WDFY4: variants seen among roughly 807,000 people sequenced by gnomAD.
The protein encoded by WDFY4 is WDFY family member 4, also known as WD repeat- and FYVE domain-containing protein 4.
In WDFY4, 169 loss-of-function variants were observed where a neutral mutation model predicts 351.9. That is an observed-to-expected ratio of 0.48 (90% CI 0.42 to 0.55). The LOEUF is 0.55. WDFY4 is among the 20% of genes least tolerant of loss of function. The pLI, the probability that WDFY4 is intolerant of heterozygous loss-of-function variation, is 0.00. For missense variants in WDFY4, 3,803 were observed against 3,935.6 expected (o/e 0.97, Z 0.90); for synonymous variants, 1,622 against 1,574.6 (o/e 1.03, Z -0.71).
intron 39 of WDFY4, among the ~76,000 whole-genome samples, chr10:48,866,375 T>C (rs1191540972): frequency 6.6e-6 from 1 of 152,212 alleles, no homozygotes; most frequent in Non-Finnish European, 1.5e-5. Context: ...TCTACACTTA[T>C]TTTTGAGTTT....
chr10:48,818,527 T>C (rs1565233468), intron 32 of WDFY4, among the ~76,000 whole-genome samples: 1 of 152,170 alleles, frequency 6.6e-6, no homozygotes, highest in Non-Finnish European at 1.5e-5. Context: ...CCAGGCTCAC[T>C]GAGGGTCACA....
chr10:48,780,252 A>G, intron 19 of WDFY4, 133 bp downstream of exon 19: 1 of 1,176,412 alleles, frequency 8.5e-7, no homozygotes. Flanking sequence ...GTTGGCATCT[A>G]ATGAAATCTG....
Position 48,695,403 on chromosome 10 carries a change from A to T in WDFY4, c.-18+10402A>T, listed in dbSNP as rs532670801. ...TAGTACCATGGCATATTCCACCACC[A>T]CTGACCACTGCCTGAAGCCAACCTT... On this transcript the variant is annotated intron_variant, in intron 1 of 61. Transcript: ENST00000325239. 5.3e-5 allele frequency among the ~76,000 whole-genome samples: 8 copies of T among 152,236 alleles called. No homozygotes were observed. The South Asian group carries it at 1.7e-3, about 32-fold the overall frequency.
At chr10:48,732,020 C>G (rs372997803) in intron 9 of WDFY4, among the ~76,000 whole-genome samples, 2 of 152,168 alleles carry the variant, frequency 1.3e-5, no homozygotes, top group Non-Finnish European at 1.5e-5. Flanking sequence ...GGGCCCAGCA[C>G]GCCCCTCCAA....
intron 6 of WDFY4, 106 bp from the exon 7 acceptor site, chr10:48,727,364 A>C: frequency 8.4e-7 from 1 of 1,187,224 alleles, no homozygotes; most frequent in Non-Finnish European, 1.2e-6. Flanking sequence ...ATTAATTCCC[A>C]TTCATGTCTT....
In WDFY4 at chr10:48,745,811, C is replaced by T. The variant is rs1199924490; in HGVS notation, c.2459+2263C>T. The stretch of plus-strand genomic sequence containing the variant: ...CCCATCTAGTTTTCCTGCTGTAGGG[C>T]GGTGGGATTCCATCGAACACCTCGG... On this transcript the variant is annotated intron_variant, in intron 12 of 61. Transcript: ENST00000325239. 3 of 364,784 alleles carry T rather than the reference C, an allele frequency of 8.2e-6. No individual in the cohort carries two copies. In the East Asian group the frequency reaches 2.3e-4, roughly 28 times the overall value. 22.6% of individuals were successfully genotyped at this position (364,784 alleles called of 1,614,324 possible).
chr10:48,784,460 T>C (rs1235114404), intron 19 of WDFY4, among the ~76,000 whole-genome samples: 2 of 151,866 alleles, frequency 1.3e-5, no homozygotes, highest in East Asian at 3.8e-4. Context: ...ATGTGCTTAT[T>C]TGCCATCTGT....
intron 34 of WDFY4, 74 bp downstream of exon 34, chr10:48,821,250 GC>G: frequency 8.3e-7 from 1 of 1,210,384 alleles, no homozygotes; most frequent in Non-Finnish European, 1.2e-6. Context: ...CAGCATGCTG[GC>G]CAGGAACTGA....
chr10:48,944,996 CT>C (rs1840965451), intron 49 of WDFY4, among the ~76,000 whole-genome samples: 1 of 152,160 alleles, frequency 6.6e-6, no homozygotes, highest in Admixed American at 6.5e-5. Flanking sequence ...ACTCTTGCCC[CT>C]GCTTCTCCCT....
At chr10:48,767,217 C>A (rs1028766454) in intron 13 of WDFY4, among the ~76,000 whole-genome samples, 1 of 152,128 alleles carries the variant, frequency 6.6e-6, no homozygotes, top group Non-Finnish European at 1.5e-5. Context: ...TTCTCATCTG[C>A]AAAATGGGTG....
intron 39 of WDFY4, among the ~76,000 whole-genome samples, chr10:48,847,611 C>T (rs1019929362): frequency 9.9e-5 from 15 of 152,090 alleles, no homozygotes; most frequent in Middle Eastern, 3.4e-3. Context: ...TGAGAATAGG[C>T]GAGTTCAGGG....
At chr10:48,964,459 T>C (rs950992951) in intron 54 of WDFY4, among the ~76,000 whole-genome samples, 7 of 152,238 alleles carry the variant, frequency 4.6e-5, no homozygotes. Flanking sequence ...AAATCTCTCG[T>C]GAGCTCTGGA....
intron 53 of WDFY4, 99 bp from the exon 54 acceptor site, chr10:48,963,743 G>A (rs1238291643): frequency 3.9e-6 from 5 of 1,292,680 alleles, no homozygotes; most frequent in Admixed American, 4.1e-5. Flanking sequence ...CTCTGTGCAG[G>A]GCCAGCACTC....
At chr10:48,834,560 A>T (rs528954005) in intron 39 of WDFY4, among the ~76,000 whole-genome samples, 19 of 152,322 alleles carry the variant, frequency 1.2e-4, no homozygotes, top group African/African-American at 4.6e-4. Context: ...ACCAAGTCCT[A>T]AAACTTGGAG....
At chr10:48,958,378 C>CAGGGA (rs1049347928) in intron 52 of WDFY4, among the ~76,000 whole-genome samples, 6 of 150,992 alleles carry the variant, frequency 4.0e-5, no homozygotes, top group African/African-American at 1.5e-4. Flanking sequence ...AGGAGTCACT[C>CAGGGA]AGGGAGGGTG....
At chr10:48,938,964 C>A (rs1327723199) in intron 47 of WDFY4, among the ~76,000 whole-genome samples, 1 of 152,192 alleles carries the variant, frequency 6.6e-6, no homozygotes, top group Admixed American at 6.5e-5. Context: ...CGCCACAATC[C>A]TCACTGGCTT....
At chr10:48,746,908 A>ATTG (rs765856617) in intron 12 of WDFY4, among the ~76,000 whole-genome samples, 2 of 152,108 alleles carry the variant, frequency 1.3e-5, no homozygotes, top group Non-Finnish European at 2.9e-5. Context: ...TATGACAGTT[A>ATTG]TTGTTGTTGT....
chr10:48,976,290 C>G (rs1842565105), intron 58 of WDFY4, among the ~76,000 whole-genome samples: 1 of 152,226 alleles, frequency 6.6e-6, no homozygotes, highest in South Asian at 2.1e-4. Flanking sequence ...GTGAGCATAT[C>G]AGGAGATACA....
chr10:48,845,287 C>T (rs1421683074), intron 39 of WDFY4, among the ~76,000 whole-genome samples: 3 of 152,182 alleles, frequency 2.0e-5, no homozygotes, highest in Non-Finnish European at 2.9e-5. Context: ...TTCTCCTCTA[C>T]CAAACCCCTG....
Sources: allele counts gnomAD v4.1 joint callset (sites outside exome capture counted in the v4.1 genomes callset), GRCh38; gene constraint gnomAD v4.1.1; transcripts MANE v1.5; gene names NCBI Gene and HGNC (gene_info 2026-07-23, HGNC 2026-07-21).